Variants in TRIM36 observed in about 807,000 individuals in gnomAD.
The protein encoded by TRIM36 is tripartite motif containing 36, also known as E3 ubiquitin-protein ligase TRIM36.
TRIM36 carries 42 observed loss-of-function variants against 72.4 expected under a neutral mutation model. The observed-to-expected ratio is 0.58, with a 90% CI of 0.45 to 0.75. TRIM36 has a LOEUF of 0.75. Among genes scored for constraint, TRIM36 ranks in the 30% least tolerant of loss-of-function variants. TRIM36 has a pLI of 0.00. For synonymous variants in TRIM36, 315 were observed against 282.8 expected (o/e 1.11, Z -1.14); for missense variants, 913 against 857.1 (o/e 1.07, Z -0.81).
intron 4 of TRIM36, among the ~76,000 whole-genome samples, chr5:115,143,797 C>T (rs935829979): frequency 6.6e-6 from 1 of 152,096 alleles, no homozygotes; most frequent in Non-Finnish European, 1.5e-5. Context: ...GTACTGCTGC[C>T]TTTGTTGTTG....
At position 115,152,976 on chromosome 5, in the gene TRIM36, C is replaced by T. The variant is rs573339859; in HGVS notation, c.263-5582G>A. The stretch of plus-strand genomic sequence containing the variant: ...AAGATTTAAAAAACAACAACAACAA[C>T]AAAAAACAAGGTACACAGGCAAAAA... On this transcript the variant is annotated intron_variant, in intron 2 of 9. Transcript: ENST00000513154. Among the ~76,000 whole-genome samples, 40 of 152,094 alleles carry T rather than the reference C, an allele frequency of 2.6e-4. 1 individual carries two copies. Among genetic ancestry groups the T allele is most frequent in the African/African-American group, 9.6e-4 (40 of 41,512 alleles).
chr5:115,152,815 G>A (rs1753966585), intron 2 of TRIM36, among the ~76,000 whole-genome samples: 1 of 152,152 alleles, frequency 6.6e-6, no homozygotes, highest in Non-Finnish European at 1.5e-5. Flanking sequence ...AACAAATGCT[G>A]AGAGAAGTCA....
chr5:115,174,592 A>G (rs928032574), upstream of TRIM36, among the ~76,000 whole-genome samples: 1 of 152,206 alleles, frequency 6.6e-6, no homozygotes, highest in Non-Finnish European at 1.5e-5. Flanking sequence ...AGGAGTCCAG[A>G]GAGCCAGCAA....
rs532151992 is a variant in TRIM36 at position 115,166,452 on chromosome 5, G to A, written c.28-2700C>T. Among the ~76,000 whole-genome samples, 82 of 152,294 alleles carry A rather than the reference G, an allele frequency of 5.4e-4. 1 individual carries two copies. The South Asian group carries it at 0.016, about 30-fold the overall frequency. On this transcript the variant is annotated intron_variant, in intron 1 of 9. Coordinates refer to ENST00000513154, the MANE Select transcript of TRIM36 (RefSeq NM_001300759.2). The stretch of plus-strand genomic sequence containing the variant: ...GGTACCCACTCCGGGTCTCTTCTCT[G>A]CTGAGAGCTGCAGTTGTCGGGAGGA...
chr5:115,129,769 TAAA>T (rs1410532760), intron 9 of TRIM36, among the ~76,000 whole-genome samples: 1 of 152,146 alleles, frequency 6.6e-6, no homozygotes, highest in Non-Finnish European at 1.5e-5. Flanking sequence ...CATAAAACAA[TAAA>T]AAACTTATAT....
At chr5:115,176,881 A>G (rs112106728) in intron 1 of TRIM36, among the ~76,000 whole-genome samples, 2,196 of 152,308 alleles carry the variant, frequency 0.014, 59 homozygotes, top group African/African-American at 0.05. Flanking sequence ...AAGGAAATAC[A>G]TTTTCATTTT....
At chr5:115,178,656 C>T (rs1019849828) in intron 1 of TRIM36, among the ~76,000 whole-genome samples, 4 of 152,184 alleles carry the variant, frequency 2.6e-5, no homozygotes, top group African/African-American at 9.7e-5. Context: ...AGGATGGAGT[C>T]TGGGCTTGGA....
intron 9 of TRIM36, among the ~76,000 whole-genome samples, chr5:115,127,449 T>A (rs1356320461): frequency 6.6e-6 from 1 of 152,172 alleles, no homozygotes; most frequent in Non-Finnish European, 1.5e-5. Context: ...TAGTCTCAGC[T>A]ACTTGGGAGG....
At chr5:115,167,146 G>A (rs539843195) in intron 1 of TRIM36, among the ~76,000 whole-genome samples, 8 of 152,304 alleles carry the variant, frequency 5.3e-5, no homozygotes, top group South Asian at 4.1e-4. Flanking sequence ...CTGGTGAAGC[G>A]ACACCCTAAG....
chr5:115,176,875 A>G (rs1272666317), intron 1 of TRIM36, among the ~76,000 whole-genome samples: 1 of 152,244 alleles, frequency 6.6e-6, no homozygotes, highest in Non-Finnish European at 1.5e-5. Flanking sequence ...AAATGTAAGG[A>G]AATACATTTT....
upstream of TRIM36, among the ~76,000 whole-genome samples, chr5:115,171,509 TAGAA>T (rs1441303147): frequency 2.0e-5 from 3 of 152,212 alleles, no homozygotes; most frequent in Non-Finnish European, 2.9e-5. Context: ...GCTCAACCAT[TAGAA>T]AGCATTATAA....
At chr5:115,138,336 T>C (rs893757277) in intron 5 of TRIM36, among the ~76,000 whole-genome samples, 1 of 152,142 alleles carries the variant, frequency 6.6e-6, no homozygotes, top group Non-Finnish European at 1.5e-5. Flanking sequence ...CCTGACATCA[T>C]GATCAACCCG....
intron 1 of TRIM36, among the ~76,000 whole-genome samples, chr5:115,166,131 G>A (rs1178488750): frequency 6.6e-6 from 1 of 152,182 alleles, no homozygotes; most frequent in Admixed American, 6.5e-5. Context: ...GGAGGAAAGG[G>A]ACAGGTCCCT....
intron 2 of TRIM36, among the ~76,000 whole-genome samples, chr5:115,162,561 T>C (rs762300526): frequency 6.6e-6 from 1 of 152,232 alleles, no homozygotes; most frequent in Non-Finnish European, 1.5e-5. Flanking sequence ...TTGTGAAATA[T>C]GTATATAAGT....
upstream of TRIM36, chr5:115,174,394 G>A (rs1044009114): frequency 4.6e-5 from 7 of 152,200 alleles, no homozygotes; most frequent in Non-Finnish European, 7.3e-5. Context: ...AAAATAAAAA[G>A]TACAGAAATA....
Position 115,134,116 on chromosome 5 carries a change from C to G in TRIM36, c.1242G>C (p.Gln414His), listed in dbSNP as rs1469396704. The change falls in exon 8 of 10, where the codon CAG (glutamine) becomes CAC (histidine). Residue 414 changes from glutamine to histidine, a missense_variant. Transcript: ENST00000513154. The part of the protein sequence containing the change: ...GIDVPEINEE[Q>H]SKVYNNALIN... ...TCAAGGCATTGTTATAAACTTTGCTCTGTTCCTCATTGATCTCTGGCACGT... is the reference window on the plus strand; with the variant it reads ...TCAAGGCATTGTTATAAACTTTGCTGTGTTCCTCATTGATCTCTGGCACGT... 1 of 1,609,108 alleles carries G rather than the reference C, an allele frequency of 6.2e-7. No homozygotes were observed. The highest frequency in any genetic ancestry group is 1.7e-5 in the Admixed American group (1 of 59,336).
intron 2 of TRIM36, among the ~76,000 whole-genome samples, chr5:115,160,641 C>G (rs1754434467): frequency 6.6e-6 from 1 of 152,192 alleles, no homozygotes; most frequent in South Asian, 2.1e-4. Flanking sequence ...AGTCTGAAAC[C>G]AGCCTAGGCA....
chr5:115,146,476 C>T (rs1197645819), intron 3 of TRIM36, among the ~76,000 whole-genome samples: 5 of 152,120 alleles, frequency 3.3e-5, no homozygotes, highest in Non-Finnish European at 5.9e-5. Flanking sequence ...TCTTTCCAGG[C>T]ACACAGCAGG....
intron 6 of TRIM36, 119 bp downstream of exon 6, chr5:115,137,244 G>C: frequency 1.4e-6 from 2 of 1,475,154 alleles, no homozygotes; most frequent in Non-Finnish European, 1.8e-6. Context: ...TAAGAATGAG[G>C]CAAGATGTAC....
Sources: allele counts gnomAD v4.1 joint callset (sites outside exome capture counted in the v4.1 genomes callset), GRCh38; gene constraint gnomAD v4.1.1; transcripts MANE v1.5; gene names NCBI Gene and HGNC (gene_info 2026-07-23, HGNC 2026-07-21).